The following CBFA2T2 variants were observed in gnomAD, a reference collection of about 807,000 sequenced individuals.
The protein encoded by CBFA2T2 is CBFA2/RUNX1 partner transcriptional co-repressor 2, also known as protein CBFA2T2.
CBFA2T2 carries 11 observed loss-of-function variants against 62.2 expected under a neutral mutation model. The observed-to-expected ratio is 0.18, with a 90% CI of 0.11 to 0.29. The LOEUF is 0.29. Among genes scored for constraint, CBFA2T2 ranks in the 10% least tolerant of loss-of-function variants. The pLI, the probability that CBFA2T2 is intolerant of heterozygous loss-of-function variation, is 1.00. For synonymous variants in CBFA2T2, 295 were observed against 287.5 expected, an observed-to-expected ratio of 1.03 and a Z score of -0.27; for missense variants, 592 against 774.1, an observed-to-expected ratio of 0.76 and a Z score of 2.79.
chr20:33,571,450 C>T (rs941052873), intron 1 of CBFA2T2, among the ~76,000 whole-genome samples: 5 of 152,128 alleles, frequency 3.3e-5, no homozygotes, highest in Admixed American at 1.3e-4. Context: ...GACATAAAAT[C>T]TAATGTCAAT....
At chr20:33,538,379 C>G (rs1212826070) in intron 1 of CBFA2T2, among the ~76,000 whole-genome samples, 1 of 146,738 alleles carries the variant, frequency 6.8e-6, no homozygotes, top group Non-Finnish European at 1.5e-5. Context: ...TTTCTTTTTC[C>G]TTTTTTTTTT....
chr20:33,593,217 A>C (rs1417022853), intron 1 of CBFA2T2, among the ~76,000 whole-genome samples: 1 of 152,002 alleles, frequency 6.6e-6, no homozygotes, highest in African/African-American at 2.4e-5. Context: ...CTGTAATCCC[A>C]GCTACTCAGG....
intron 1 of CBFA2T2, among the ~76,000 whole-genome samples, chr20:33,591,857 G>T (rs2014657184): frequency 6.7e-6 from 1 of 149,268 alleles, no homozygotes; most frequent in Non-Finnish European, 1.5e-5. Flanking sequence ...TTGTGGCGGG[G>T]TGGGAGGGGG....
At chr20:33,514,424 G>A (rs1202623442) in intron 1 of CBFA2T2, among the ~76,000 whole-genome samples, 2 of 151,454 alleles carry the variant, frequency 1.3e-5, no homozygotes, top group Non-Finnish European at 2.9e-5. Flanking sequence ...CATGTCTGGA[G>A]AGGAGCAGTC....
chr20:33,642,741 A>C (rs1403715045), intron 10 of CBFA2T2, among the ~76,000 whole-genome samples: 1 of 152,194 alleles, frequency 6.6e-6, no homozygotes, highest in Non-Finnish European at 1.5e-5. Context: ...CCATATCAGT[A>C]TCTGTATTTG....
Position 33,535,929 on chromosome 20 carries a change from T to C in CBFA2T2, c.34+45628T>C, listed in dbSNP as rs570606671. Among the ~76,000 whole-genome samples, 195 of 152,302 alleles carry C rather than the reference T, an allele frequency of 1.3e-3. 2 individuals carry two copies. The highest frequency in any genetic ancestry group is 2.1e-3 in the Non-Finnish European group (140 of 68,032). On this transcript the variant is annotated intron_variant, in intron 1 of 10. Coordinates refer to ENST00000342704, the MANE Select transcript of CBFA2T2 (RefSeq NM_001032999.3). ...AACGAAGCACATCTTGCACCGCCCT[T>C]AATCCATTTAAGCCTGAGTGGACAC... is the stretch of plus-strand genomic sequence containing the variant.
intron 1 of CBFA2T2, among the ~76,000 whole-genome samples, chr20:33,503,255 T>TTTC (rs200368944): frequency 0.15 from 3,303 of 22,444 alleles, 61 homozygotes; most frequent in Middle Eastern, 0.26. Context: ...TCTTTCTTTC[T>TTTC]TTTTTTTTTT....
intron 3 of CBFA2T2, among the ~76,000 whole-genome samples, chr20:33,617,912 T>TTC (rs1239367372): frequency 1.3e-5 from 2 of 152,184 alleles, no homozygotes; most frequent in African/African-American, 4.8e-5. Flanking sequence ...TCCAACATAA[T>TTC]TGCACACTCA....
At chr20:33,529,761 A>T (rs1417009883) in intron 1 of CBFA2T2, among the ~76,000 whole-genome samples, 9 of 138,930 alleles carry the variant, frequency 6.5e-5, no homozygotes, top group Non-Finnish European at 1.4e-4. Context: ...ATATATATAT[A>T]TATATATATA....
intron 1 of CBFA2T2, among the ~76,000 whole-genome samples, chr20:33,513,906 T>C (rs2011553252): frequency 6.8e-6 from 1 of 146,876 alleles, no homozygotes. Context: ...GTGTTTTTTT[T>C]TGTTGTTGTT....
rs1000186100 is a variant in CBFA2T2, at chr20:33,586,173, GTTTT to G, written c.35-20779_35-20776del. Among the ~76,000 whole-genome samples, 3 of 152,046 alleles carry G rather than the reference GTTTT, an allele frequency of 2.0e-5. No homozygotes were observed. In the South Asian group the frequency reaches 6.2e-4, roughly 32 times the overall value. On this transcript the variant is annotated intron_variant, in intron 1 of 10. Transcript: ENST00000342704. ...TTATTATCACTGGGTTTTCTTGTTT[GTTTT>G]TTTGTTTGTTTTGTTTTTTGAGACG...
intron 1 of CBFA2T2, among the ~76,000 whole-genome samples, chr20:33,528,404 G>A (rs1395558575): frequency 2.0e-5 from 3 of 152,180 alleles, no homozygotes; most frequent in Non-Finnish European, 2.9e-5. Context: ...TGAATCAGTC[G>A]AAGAATTGCC....
intron 1 of CBFA2T2, among the ~76,000 whole-genome samples, chr20:33,582,297 T>A (rs534910988): frequency 1.2e-4 from 18 of 149,318 alleles, no homozygotes; most frequent in Admixed American, 8.1e-4. Context: ...GAGACCAGCC[T>A]GGCCAACATG....
chr20:33,508,347 G>A (rs781738716), intron 1 of CBFA2T2, among the ~76,000 whole-genome samples: 18 of 152,098 alleles, frequency 1.2e-4, no homozygotes, highest in Non-Finnish European at 2.1e-4. Context: ...TGCCTACCCC[G>A]GCCTGCCAAA....
At chr20:33,633,346 G>A (rs1163612680) in intron 8 of CBFA2T2, among the ~76,000 whole-genome samples, 1 of 150,668 alleles carries the variant, frequency 6.6e-6, no homozygotes, top group Non-Finnish European at 1.5e-5. Context: ...ACTCCAGCCT[G>A]AGCAACACAG....
intron 1 of CBFA2T2, among the ~76,000 whole-genome samples, chr20:33,584,698 A>T (rs911109432): frequency 6.6e-6 from 1 of 152,142 alleles, no homozygotes; most frequent in Non-Finnish European, 1.5e-5. Flanking sequence ...TTATAACCAT[A>T]ATATATTTTG....
At chr20:33,573,302 G>A (rs1204433405) in intron 1 of CBFA2T2, among the ~76,000 whole-genome samples, 4 of 152,074 alleles carry the variant, frequency 2.6e-5, no homozygotes, top group Non-Finnish European at 5.9e-5. Flanking sequence ...AAAAATGAAA[G>A]CGCTAAGGAG....
chr20:33,605,515 C>T (rs960792841), intron 1 of CBFA2T2, among the ~76,000 whole-genome samples: 3 of 152,146 alleles, frequency 2.0e-5, no homozygotes, highest in Admixed American at 6.5e-5. Context: ...GAATATTACT[C>T]ATTGGTATCA....
At position 33,629,724 on chromosome 20, in the gene CBFA2T2, G is replaced by T; in HGVS notation, c.1038G>T (p.Leu346=). 1 of 1,613,080 alleles carries T rather than the reference G, an allele frequency of 6.2e-7. No individual in the cohort carries two copies. The highest frequency in any genetic ancestry group is 1.1e-5 in the South Asian group (1 of 90,952). The change falls in exon 8 of 11, where the codon CTG becomes CTT. Residue 346 remains leucine (L), a synonymous_variant. Transcript: ENST00000342704. ...ADEWKHLDHA[L]NCIMEMVEKT... is the part of the protein sequence containing the mutation. The stretch of plus-strand genomic sequence containing the variant: ...TGGCCCCCTCTGTGACTCAGGCGCT[G>T]AATTGCATTATGGAAATGGTAGAGA...
Sources: gnomAD v4.1 joint callset for allele counts (sites outside exome capture counted in the v4.1 genomes callset) on GRCh38, gnomAD v4.1.1 for gene constraint, MANE v1.5 for transcripts, NCBI Gene and HGNC (gene_info 2026-07-23, HGNC 2026-07-21) for gene names.